RALYL: variants seen among roughly 807,000 people sequenced by gnomAD.
The protein encoded by RALYL is RALY RNA binding protein like.
Under a neutral mutation model 35.1 loss-of-function variants are expected in RALYL, and 29 were observed. That is an observed-to-expected ratio of 0.83 (90% confidence interval 0.61 to 1.13). The LOEUF (loss-of-function observed/expected upper bound fraction) is 1.13, where lower values mean the gene tolerates loss of function less well. RALYL is among the 50% of genes most tolerant of loss of function. RALYL has a pLI of 0.00. For missense variants in RALYL, 359 were observed against 360.4 expected, an observed-to-expected ratio of 1.00 and a Z score of 0.03; for synonymous variants, 120 against 127.6, an observed-to-expected ratio of 0.94 and a Z score of 0.40.
intron 1 of RALYL, among the ~76,000 whole-genome samples, chr8:84,379,253 A>T (rs1291951145): frequency 6.6e-6 from 1 of 151,936 alleles, no homozygotes; most frequent in Non-Finnish European, 1.5e-5. Flanking sequence ...CATCTTAATT[A>T]TTTAATTGTA....
At chr8:84,809,539 AT>A (rs1290811363) in intron 4 of RALYL, among the ~76,000 whole-genome samples, 1 of 152,114 alleles carries the variant, frequency 6.6e-6, no homozygotes, top group Non-Finnish European at 1.5e-5. Flanking sequence ...ATCTTGTGGA[AT>A]AGCATCAAAA....
intron 8 of RALYL, among the ~76,000 whole-genome samples, chr8:84,919,009 T>C (rs1291563881): frequency 2.0e-5 from 3 of 152,070 alleles, no homozygotes; most frequent in Admixed American, 6.6e-5. Flanking sequence ...AGGTTGTTTT[T>C]TTCATCTTAA....
intron 2 of RALYL, among the ~76,000 whole-genome samples, chr8:84,532,410 G>T (rs990239890): frequency 1.3e-5 from 2 of 151,924 alleles, no homozygotes; most frequent in African/African-American, 4.8e-5. Flanking sequence ...CAAAACTTAG[G>T]TTCAAGTATA....
chr8:84,692,803 T>A (rs1003932175), intron 2 of RALYL, among the ~76,000 whole-genome samples: 4 of 151,972 alleles, frequency 2.6e-5, no homozygotes, highest in African/African-American at 9.7e-5. Flanking sequence ...ATTATCTGGA[T>A]GTGTCAATGT....
intron 1 of RALYL, among the ~76,000 whole-genome samples, chr8:84,515,004 G>A (rs2057943574): frequency 6.6e-6 from 1 of 152,166 alleles, no homozygotes; most frequent in South Asian, 2.1e-4. Flanking sequence ...GTAGGTTAGA[G>A]AGTATCAGCA....
chr8:84,362,255 A>G (rs1296900374), intron 1 of RALYL, among the ~76,000 whole-genome samples: 1 of 152,170 alleles, frequency 6.6e-6, no homozygotes, highest in African/African-American at 2.4e-5. Flanking sequence ...TCTTTAGAAT[A>G]TGGATCACTA....
intron 2 of RALYL, among the ~76,000 whole-genome samples, chr8:84,668,953 C>T (rs146842956): frequency 7.3e-6 from 1 of 137,392 alleles, no homozygotes; most frequent in Non-Finnish European, 1.6e-5. Flanking sequence ...AACAACACAT[C>T]CATCCATCCA....
In RALYL at chr8:84,449,050, C is replaced by T. The variant is rs577504204; in HGVS notation, c.-23-80249C>T. 6.7e-5 allele frequency among the ~76,000 whole-genome samples: 10 copies of T among 150,074 alleles called. No homozygotes were observed. In the South Asian group the frequency reaches 2.1e-3, roughly 31 times the overall value. ...GAATGTGAGTATTAAGCTTGTAGCACAGGGCTTTGTTAGCTGTTAGTTTTT... is the reference window on the plus strand; with the variant it reads ...GAATGTGAGTATTAAGCTTGTAGCATAGGGCTTTGTTAGCTGTTAGTTTTT... On this transcript the variant is annotated intron_variant, in intron 1 of 8. Transcript: ENST00000521268.
At chr8:84,868,716 T>C (rs1326969622) in intron 6 of RALYL, among the ~76,000 whole-genome samples, 3 of 152,080 alleles carry the variant, frequency 2.0e-5, no homozygotes, top group African/African-American at 7.2e-5. Context: ...TTCTAAAAAA[T>C]ATAGAAAGAA....
chr8:84,360,277 C>A (rs1262756614), intron 1 of RALYL, among the ~76,000 whole-genome samples: 1 of 152,142 alleles, frequency 6.6e-6, no homozygotes, highest in Non-Finnish European at 1.5e-5. Context: ...AAACCCCAGA[C>A]CTTTGTCAAC....
intron 1 of RALYL, among the ~76,000 whole-genome samples, chr8:84,403,292 C>T (rs908442632): frequency 4.6e-5 from 7 of 151,204 alleles, no homozygotes; most frequent in South Asian, 2.1e-4. Context: ...TATGGTTTTA[C>T]GTATTACATT....
At chr8:84,785,826 G>GA (rs1211867723) in intron 3 of RALYL, among the ~76,000 whole-genome samples, 2 of 152,004 alleles carry the variant, frequency 1.3e-5, no homozygotes, top group Non-Finnish European at 2.9e-5. Context: ...TTTGATTAGA[G>GA]AAAAAAACAT....
chr8:84,233,204 C>T (rs1825764940), intron 1 of RALYL, among the ~76,000 whole-genome samples: 1 of 152,078 alleles, frequency 6.6e-6, no homozygotes, highest in South Asian at 2.1e-4. Flanking sequence ...AGGTTGGTGT[C>T]AAACTCCTAG....
intron 1 of RALYL, among the ~76,000 whole-genome samples, chr8:84,311,672 G>A (rs548090594): frequency 2.0e-4 from 31 of 152,086 alleles, no homozygotes; most frequent in Non-Finnish European, 4.0e-4. Flanking sequence ...AGTACCTTAT[G>A]TCATGATTTC....
chr8:84,862,229 A>G (rs1838237846), intron 5 of RALYL, 67 bp from the exon 6 acceptor site: 2 of 1,312,804 alleles, frequency 1.5e-6, no homozygotes, highest in Admixed American at 3.1e-5. Context: ...TCTGTTCAAC[A>G]TTTCACATAT....
chr8:84,574,739 C>T (rs1217461604), intron 2 of RALYL, among the ~76,000 whole-genome samples: 3 of 151,164 alleles, frequency 2.0e-5, no homozygotes, highest in Non-Finnish European at 4.4e-5. Flanking sequence ...TTATTTACTG[C>T]AGTAGGCTCG....
chr8:84,611,210 A>G (rs1020641752), intron 2 of RALYL, among the ~76,000 whole-genome samples: 49 of 152,082 alleles, frequency 3.2e-4, no homozygotes, highest in African/African-American at 1.2e-3. Context: ...TATTCACATA[A>G]CTTTTTCCAG....
chr8:84,189,713 G>T (rs1813398182), intron 1 of RALYL, among the ~76,000 whole-genome samples: 1 of 151,206 alleles, frequency 6.6e-6, no homozygotes, highest in South Asian at 2.1e-4. Context: ...CTTCATTTGT[G>T]GAGATGATTT....
At chr8:84,737,075 A>T (rs567837584) in intron 2 of RALYL, among the ~76,000 whole-genome samples, 26 of 152,192 alleles carry the variant, frequency 1.7e-4, no homozygotes, top group African/African-American at 6.0e-4. Context: ...TTGATACAGT[A>T]GTCAAACAAC....
Sources: allele counts gnomAD v4.1 joint callset (sites outside exome capture counted in the v4.1 genomes callset), GRCh38; gene constraint gnomAD v4.1.1; transcripts MANE v1.5; gene names NCBI Gene and HGNC (gene_info 2026-07-23, HGNC 2026-07-21).